Variants in PEAK1 observed in about 807,000 individuals in gnomAD.
PEAK1 encodes the protein inactive tyrosine-protein kinase PEAK1.
PEAK1 carries 54 observed loss-of-function variants against 124.7 expected under a neutral mutation model. The ratio of observed to expected loss-of-function variants is 0.43; its 90% CI spans 0.35 to 0.54. The LOEUF (loss-of-function observed/expected upper bound fraction) is 0.54. PEAK1 is among the 20% of genes least tolerant of loss of function. The pLI is 0.01. For missense variants in PEAK1, 2,046 were observed against 2,134.5 expected, an observed-to-expected ratio of 0.96 and a Z score of 0.82; for synonymous variants, 719 against 760.0, an observed-to-expected ratio of 0.95 and a Z score of 0.89.
At chr15:77,296,335 G>A (rs1361102538) in intron 2 of PEAK1, among the ~76,000 whole-genome samples, 1 of 151,712 alleles carries the variant, frequency 6.6e-6, no homozygotes, top group African/African-American at 2.4e-5. Flanking sequence ...AATGGGACCA[G>A]GCGAGGTGGC....
chr15:77,332,362 G>C (rs1368775332), intron 2 of PEAK1: 1 of 601,914 alleles, frequency 1.7e-6, no homozygotes, highest in Non-Finnish European at 2.1e-6. Context: ...CACTTTGGGA[G>C]GCTGAGAGGG....
At chr15:77,162,552 T>TA (rs1269923056) in intron 7 of PEAK1, among the ~76,000 whole-genome samples, 1 of 132,752 alleles carries the variant, frequency 7.5e-6, no homozygotes, top group African/African-American at 2.9e-5. Flanking sequence ...TATTTGGACA[T>TA]AAAATCAGAA....
At chr15:77,318,668 G>A (rs1389269666) in intron 2 of PEAK1, among the ~76,000 whole-genome samples, 1 of 151,686 alleles carries the variant, frequency 6.6e-6, no homozygotes, top group Non-Finnish European at 1.5e-5. Flanking sequence ...ATAAATTAAT[G>A]TATAACTTAT....
Position 77,133,437 on chromosome 15 carries a change from A to G in PEAK1, c.3645T>C (p.Tyr1215=), listed in dbSNP as rs1596303319. ...TGCGCAAAGGCCTTTCCAAGGAGTC[A>G]TAAGACTCAATGTCCAGTCCTTTGA... ...YELKGLDIES[Y]DSLERPLRKE... Residue 1215 remains tyrosine, a synonymous_variant, in exon 9 of 10, where the codon TAT becomes TAC. Transcript: ENST00000682557. This position sits in a 1 kb window ranked among gnomAD's most constrained non-coding sequence, Gnocchi z 4.2. 2.5e-6 allele frequency: 4 copies of G among 1,614,240 alleles called. No individual in the cohort carries two copies. The highest frequency in any genetic ancestry group is 3.4e-6 in the Non-Finnish European group (4 of 1,180,044).
chr15:77,239,331 T>C lies in PEAK1; in HGVS notation c.-115+13036A>G, dbSNP rs555042086. ...TATCAAAGTGTAACCCCAGAAATTC[T>C]ATTTTAATTGAACAAGGGTAAGAAA... On this transcript the variant is annotated intron_variant, in intron 6 of 9. Transcript: ENST00000682557. 2.0e-5 allele frequency among the ~76,000 whole-genome samples: 3 copies of C among 152,316 alleles called. No individual in the cohort carries two copies. In the South Asian group the frequency reaches 6.2e-4, roughly 32 times the overall value.
chr15:77,257,882 T>C (rs2061242479), intron 5 of PEAK1, among the ~76,000 whole-genome samples: 1 of 152,220 alleles, frequency 6.6e-6, no homozygotes, highest in African/African-American at 2.4e-5. Context: ...AAGTCTTTAA[T>C]CCATCTTGAA....
At chr15:77,101,214 T>C (rs937306525) in exon 7 of PEAK1, 1 of 152,240 alleles carries the variant, frequency 6.6e-6, no homozygotes, top group East Asian at 1.9e-4. Flanking sequence ...GACCCATTTC[T>C]GCCTCTGATG....
At chr15:77,221,769 T>C (rs960771543) in intron 6 of PEAK1, among the ~76,000 whole-genome samples, 1 of 152,122 alleles carries the variant, frequency 6.6e-6, no homozygotes, top group African/African-American at 2.4e-5. Context: ...TTGTGAAGGA[T>C]TTTGGCTGCA....
downstream of PEAK1, chr15:77,106,952 G>A (rs2050760450): frequency 1.3e-5 from 2 of 152,186 alleles, no homozygotes; most frequent in African/African-American, 2.4e-5. Context: ...CTTCGTATAA[G>A]GGCAGTGGCC....
chr15:77,319,458 TAAAAG>T (rs1053215101), intron 2 of PEAK1, among the ~76,000 whole-genome samples: 8 of 152,124 alleles, frequency 5.3e-5, no homozygotes, highest in Non-Finnish European at 7.4e-5. Flanking sequence ...AGTTCTTAAA[TAAAAG>T]AAAGTAAACA....
chr15:77,135,147 T>C (rs1280349811), intron 8 of PEAK1, among the ~76,000 whole-genome samples: 1 of 152,192 alleles, frequency 6.6e-6, no homozygotes, highest in Non-Finnish European at 1.5e-5. Flanking sequence ...AGAGAATATA[T>C]TTGTGTTGTT....
intron 1 of PEAK1, among the ~76,000 whole-genome samples, chr15:77,371,801 T>C (rs998148680): frequency 1.8e-4 from 28 of 152,118 alleles, no homozygotes; most frequent in Admixed American, 6.5e-4. Flanking sequence ...GACAGGAGAA[T>C]TGCTTGAAGG....
chr15:77,338,820 T>C (rs961794535), intron 2 of PEAK1, among the ~76,000 whole-genome samples: 13 of 151,912 alleles, frequency 8.6e-5, no homozygotes, highest in Non-Finnish European at 1.2e-4. Flanking sequence ...TCTAAGCTAA[T>C]GTAAGAAACC....
chr15:77,178,937 T>C lies in PEAK1; in HGVS notation c.2990A>G (p.Gln997Arg), dbSNP rs184802417. ...IVFMYRCDPA[Q>R]GQLSVDQSKA... ...GCTCTGATCCACACTGAGCTGGCCT[T>C]GAGCAGGGTCGCACCTGTACATGAA... The change falls in exon 7 of 10, where the codon CAA (glutamine) becomes CGA (arginine). Residue 997 changes from glutamine (Q) to arginine (R), a missense_variant. Coordinates refer to ENST00000682557, the MANE Select transcript of PEAK1 (RefSeq NM_001385026.1). 4.3e-6 allele frequency: 7 copies of C among 1,614,122 alleles called. No homozygotes were observed. In the African/African-American group the frequency reaches 9.3e-5, roughly 22 times the overall value.
At chr15:77,381,540 C>A (rs1352564395) in intron 1 of PEAK1, 1 of 853,406 alleles carries the variant, frequency 1.2e-6, no homozygotes, top group East Asian at 1.2e-4. Flanking sequence ...AGATTCAATT[C>A]ATTGAGTAAA....
intron 5 of PEAK1, among the ~76,000 whole-genome samples, chr15:77,278,983 A>G (rs2062503495): frequency 6.6e-6 from 1 of 151,716 alleles, no homozygotes; most frequent in Non-Finnish European, 1.5e-5. Context: ...GACACACGCC[A>G]CCACAACTGG....
chr15:77,371,255 T>C (rs189369193), intron 1 of PEAK1: 34 of 977,704 alleles, frequency 3.5e-5, no homozygotes, highest in African/African-American at 3.3e-4. Flanking sequence ...TAGGGCCTAG[T>C]AGATGCTACC....
At chr15:77,119,183 G>GC (rs2051680775) in intron 9 of PEAK1, among the ~76,000 whole-genome samples, 1 of 152,210 alleles carries the variant, frequency 6.6e-6, no homozygotes, top group Admixed American at 6.5e-5. Context: ...AGGAAGAGAA[G>GC]CCCATCCTGG....
chr15:77,168,732 GT>G (rs1231083734), intron 7 of PEAK1, among the ~76,000 whole-genome samples: 1 of 152,178 alleles, frequency 6.6e-6, no homozygotes, highest in Non-Finnish European at 1.5e-5. Flanking sequence ...GTAAAGGAAG[GT>G]TGATACAGAT....
Sources: allele counts gnomAD v4.1 joint callset (sites outside exome capture counted in the v4.1 genomes callset), GRCh38; gene constraint gnomAD v4.1.1; non-coding constraint Gnocchi (gnomAD v3.1); transcripts MANE v1.5; gene names NCBI Gene and HGNC (gene_info 2026-07-23, HGNC 2026-07-21).